The following BCKDK variants were observed in gnomAD, a reference collection of about 807,000 sequenced individuals.
The protein encoded by BCKDK is branched-chain alpha-ketoacid dehydrogenase kinase.
Under a neutral mutation model 43.9 loss-of-function variants are expected in BCKDK, and 28 were observed. The ratio of observed to expected loss-of-function variants is 0.64; its 90% CI spans 0.47 to 0.87. BCKDK has a LOEUF of 0.87. Ranked by LOEUF, BCKDK falls within the 40% of genes least tolerant of loss-of-function variation. The probability of loss-of-function intolerance (pLI) is 0.00; values close to 1 mark genes in which losing one functional copy is unlikely to be tolerated. For missense variants in BCKDK, 483 were observed against 581.4 expected (o/e 0.83, Z 1.74); for synonymous variants, 257 against 234.3 (o/e 1.10, Z -0.88).
At chr16:31,114,148 G>A (rs1222632835), downstream of BCKDK, among the ~76,000 whole-genome samples, 1 of 152,106 alleles carries the variant, frequency 6.6e-6, no homozygotes, top group East Asian at 1.9e-4. Flanking sequence ...GAAACAGCAA[G>A]AACTCCCAGA....
In BCKDK at chr16:31,109,869, C is replaced by T. The variant is rs2057396110; in HGVS notation, c.375+86C>T. 3 of 1,474,392 alleles carry T rather than the reference C, an allele frequency of 2.0e-6. No homozygotes were observed. In the East Asian group the frequency reaches 6.9e-5, roughly 34 times the overall value. 91.3% of individuals were successfully genotyped at this position (1,474,392 alleles called of 1,614,324 possible). A position where few individuals can be genotyped will look rare whatever the true frequency, so the allele number is the denominator to read the frequency against. On this transcript the variant is annotated intron_variant, in intron 4 of 11. Coordinates refer to ENST00000219794, the MANE Select transcript of BCKDK (RefSeq NM_005881.4). This position sits in a 1 kb window ranked among gnomAD's most constrained non-coding sequence, Gnocchi z 5.3. ...TGGGGCCCAGAGTGGCAGACGATTG[C>T]TTGCCTAAAGGTGTCAGGGCCACAC...
intron 8 of BCKDK, 75 bp from the exon 9 acceptor site, chr16:31,111,016 A>AGG: frequency 1.3e-6 from 2 of 1,589,068 alleles, no homozygotes; most frequent in South Asian, 2.3e-5. Flanking sequence ...TATGTTACTT[A>AGG]GGGGGGCAGA....
At chr16:31,113,507 T>C (rs2057429082), downstream of BCKDK, among the ~76,000 whole-genome samples, 1 of 152,082 alleles carries the variant, frequency 6.6e-6, no homozygotes, top group African/African-American at 2.4e-5. Context: ...AGAAATGGGG[T>C]CTTGCTCTGT....
In BCKDK at chr16:31,111,880, G is replaced by C. The variant is rs886306366; in HGVS notation, c.947G>C (p.Arg316Pro). Residue 316 changes from arginine (R) to proline (P), a missense_variant, in exon 11 of 12, where the codon CGT (arginine) becomes CCT (proline). By Grantham distance (103) the Arg-to-Pro change is moderately radical (BLOSUM62 -2). Transcript: ENST00000219794. ...DVDLIIRISD[R>P]GGGIAHKDLD... ...TGCCATCTTGCTAGGATCTCAGACC[G>C]TGGTGGAGGAATCGCTCACAAAGAT... The C allele has an allele frequency of 1.2e-6, 2 of 1,614,020 alleles. No individual in the cohort carries two copies. Among genetic ancestry groups the C allele is most frequent in the East Asian group, 2.2e-5 (1 of 44,890 alleles).
In BCKDK at chr16:31,109,408, C is replaced by T. The variant is rs1438176855; in HGVS notation, c.185C>T (p.Ala62Val). The change falls in exon 2 of 12, where the codon GCA becomes GTA. Residue 62 changes from alanine (A) to valine (V), a missense_variant. Transcript: ENST00000219794. The surrounding 1 kb of genome is among the most constrained non-coding windows in gnomAD (Gnocchi z 5.3). ...TACAACCAGTCGGCCATCGACGCGG[C>T]AGCGGAGAAGGTGCGCAAGGGGGCA... ...SFYNQSAIDA[A>V]AEKPSVRLTP... 7 of 1,608,752 alleles carry T rather than the reference C, an allele frequency of 4.4e-6. No homozygotes were observed. Among genetic ancestry groups the T allele is most frequent in the Non-Finnish European group, 5.9e-6 (7 of 1,176,558 alleles).
chr16:31,109,418 G>C lies in BCKDK; in HGVS notation c.195G>C (p.Lys65Asn), dbSNP rs373170334. The change falls in exon 2 of 12, where the codon AAG (lysine) becomes AAC (asparagine). Residue 65 changes from lysine (K) to asparagine (N), a missense_variant and splice_region_variant. Transcript: ENST00000219794. This position sits in a 1 kb window ranked among gnomAD's most constrained non-coding sequence, Gnocchi z 5.3. ...NQSAIDAAAE[K>N]PSVRLTPTMM... is the part of the protein sequence containing the mutation. ...CGGCCATCGACGCGGCAGCGGAGAA[G>C]GTGCGCAAGGGGGCAGCCAGCCCAG... is the stretch of plus-strand genomic sequence containing the variant. The C allele has an allele frequency of 6.2e-7, 1 of 1,610,086 alleles. No homozygotes were observed. The highest frequency in any genetic ancestry group is 1.3e-5 in the African/African-American group (1 of 74,870).
rs374677650 is a variant in BCKDK, at chr16:31,111,859, A to G, written c.936-10A>G. 138 of 1,613,884 alleles carry G rather than the reference A, an allele frequency of 8.6e-5. No individual in the cohort carries two copies. The highest frequency in any genetic ancestry group is 1.1e-4 in the Non-Finnish European group (126 of 1,179,950). On this transcript the variant is annotated splice_polypyrimidine_tract_variant and intron_variant, in intron 10 of 11. Transcript: ENST00000219794. The stretch of plus-strand genomic sequence containing the variant: ...CTGAGCCAAGCCCATTGTTGTTGCC[A>G]TCTTGCTAGGATCTCAGACCGTGGT...
chr16:31,109,196 G>A lies in BCKDK; in HGVS notation c.-28G>A, dbSNP rs1461342447. 6 of 1,488,264 alleles carry A rather than the reference G, an allele frequency of 4.0e-6. No homozygotes were observed. The highest frequency in any genetic ancestry group is 2.4e-5 in the Admixed American group (1 of 41,600). The allele number at this position is 1,488,264 out of a possible 1,614,324, so 92.2% of individuals were successfully genotyped here. ...GTCCTAGCGGATCCTCAGTCCTAGC[G>A]GCCACCGGGTCTGAAAGGAGCAAGA... On this transcript the variant is annotated 5_prime_UTR_variant, in exon 2 of 12. Coordinates refer to ENST00000219794, the MANE Select transcript of BCKDK (RefSeq NM_005881.4). This position sits in a 1 kb window ranked among gnomAD's most constrained non-coding sequence, Gnocchi z 5.3.
At chr16:31,117,460 T>C (rs970229632), downstream of BCKDK, 2 of 399,742 alleles carry the variant, frequency 5.0e-6, no homozygotes, top group Non-Finnish European at 8.8e-6. Context: ...TCCTCACCCA[T>C]AGGCTGCAGC....
chr16:31,110,652 G>A lies in BCKDK; in HGVS notation c.643-36G>A, dbSNP rs754059958. 6.2e-7 allele frequency: 1 copy of A among 1,609,356 alleles called. No homozygotes were observed. The highest frequency in any genetic ancestry group is 1.3e-5 in the African/African-American group (1 of 74,924). On this transcript the variant is annotated intron_variant, in intron 7 of 11. Coordinates refer to ENST00000219794, the MANE Select transcript of BCKDK (RefSeq NM_005881.4). The surrounding 1 kb of genome is among the most constrained non-coding windows in gnomAD (Gnocchi z 5.4). ...TGCCAGCATCTTGGGGTGGGGCTAG[G>A]GGCGTGGGTAGTCCTGACCTCCTTT... is the stretch of plus-strand genomic sequence containing the variant.
In BCKDK at chr16:31,110,535, TTAAG is replaced by T. The variant is rs776418633; in HGVS notation, c.642+38_642+41del. ...GGGACCTGAGACCCACCTGGGAACA[TTAAG>T]TGAGACAGAGGAGACTGGGCTGGGG... On this transcript the variant is annotated intron_variant, in intron 7 of 11. Coordinates refer to ENST00000219794, the MANE Select transcript of BCKDK (RefSeq NM_005881.4). The surrounding 1 kb of genome is among the most constrained non-coding windows in gnomAD (Gnocchi z 5.4). 4 of 1,608,390 alleles carry T rather than the reference TTAAG, an allele frequency of 2.5e-6. No individual in the cohort carries two copies. Among genetic ancestry groups the T allele is most frequent in the Middle Eastern group, 1.7e-4 (1 of 5,980 alleles).
chr16:31,114,294 C>CA (rs568763574), downstream of BCKDK, among the ~76,000 whole-genome samples: 511 of 144,748 alleles, frequency 3.5e-3, 7 homozygotes, highest in Middle Eastern at 6.9e-3. Context: ...CGCCCCACCC[C>CA]CCCCCAACCC....
chr16:31,115,498 C>T (rs144780404), downstream of BCKDK, among the ~76,000 whole-genome samples: 2 of 152,232 alleles, frequency 1.3e-5, no homozygotes, highest in African/African-American at 4.8e-5. Flanking sequence ...GGTGGGATTA[C>T]AGGAGTGAGC....
chr16:31,111,928 AC>A lies in BCKDK; in HGVS notation c.996del (p.Phe333SerfsTer171). On this transcript the variant is annotated frameshift_variant, in exon 11 of 12. Transcript: ENST00000219794. LOFTEE classifies it high-confidence loss of function. Reference sequence around the variant, plus strand: ...GATCTGGACCGGGTCATGGACTACCACTTCACTACTGCTGAGGCCAGCACAC... The same window carrying A: ...GATCTGGACCGGGTCATGGACTACCATTCACTACTGCTGAGGCCAGCACAC... ...HKDLDRVMDYHFTTAEASTQD... is the reference protein window; with the variant it reads ...HKDLDRVMDYXFTTAEASTQD... The A allele has an allele frequency of 6.2e-7, 1 of 1,614,042 alleles. No individual in the cohort carries two copies. The highest frequency in any genetic ancestry group is 8.5e-7 in the Non-Finnish European group (1 of 1,179,974).
chr16:31,111,297 T>G lies in BCKDK; in HGVS notation c.846-3T>G, dbSNP rs118042732. On this transcript the variant is annotated splice_region_variant and splice_polypyrimidine_tract_variant and intron_variant, in intron 9 of 11. Transcript: ENST00000219794. Reference sequence around the variant, plus strand: ...TACCTACTGGTCTTTCCCCTCTGCATAGAGCCACAATGGAGAGTCACCTAG... The same window carrying G: ...TACCTACTGGTCTTTCCCCTCTGCAGAGAGCCACAATGGAGAGTCACCTAG... The G allele has an allele frequency of 2.5e-6, 4 of 1,614,014 alleles. No individual in the cohort carries two copies. Among genetic ancestry groups the G allele is most frequent in the Non-Finnish European group, 3.4e-6 (4 of 1,180,006 alleles).
chr16:31,115,438 G>A (rs1187095730), downstream of BCKDK, among the ~76,000 whole-genome samples: 17 of 151,418 alleles, frequency 1.1e-4, no homozygotes, highest in African/African-American at 3.9e-4. Context: ...GGTCAGGCTG[G>A]TCTCGAACTC....
Position 31,112,762 on chromosome 16 carries a change from A to C in BCKDK, c.*497A>C. On this transcript the variant is annotated 3_prime_UTR_variant, in exon 12 of 12. Coordinates refer to ENST00000219794, the MANE Select transcript of BCKDK (RefSeq NM_005881.4). This position sits in a 1 kb window ranked among gnomAD's most constrained non-coding sequence, Gnocchi z 5.0. ...GGGAGTGGGATGACTGCAGCACCTT[A>C]TACAAAGAGCTTTCATTCATCTTGT... The C allele has an allele frequency of 4.2e-6, 1 of 239,450 alleles. No individual in the cohort carries two copies. The allele number at this position is 239,450 out of a possible 1,614,324, so 14.8% of individuals were successfully genotyped here. A position where few individuals can be genotyped will look rare whatever the true frequency, so the allele number is the denominator to read the frequency against.
chr16:31,109,250 C>CGGTCCCG lies in BCKDK; in HGVS notation c.30_36dup (p.Gly13SerfsTer117). On this transcript the variant is annotated frameshift_variant, in exon 2 of 12. Coordinates refer to ENST00000219794, the MANE Select transcript of BCKDK (RefSeq NM_005881.4). LOFTEE classifies it high-confidence loss of function. The surrounding 1 kb of genome is among the most constrained non-coding windows in gnomAD (Gnocchi z 5.3). ...TGATCCTGGCGTCGGTGCTGAGGAG[C>CGGTCCCG]GGTCCCGGGGGCGGGCTTCCGCTCC... The CGGTCCCG allele has an allele frequency of 6.5e-7, 1 of 1,535,582 alleles. No homozygotes were observed. The highest frequency in any genetic ancestry group is 2.1e-5 in the Admixed American group (1 of 48,212).
intron 10 of BCKDK, 61 bp from the exon 11 acceptor site, chr16:31,111,808 G>T: frequency 2.5e-6 from 4 of 1,591,978 alleles, no homozygotes; most frequent in South Asian, 1.1e-5. Flanking sequence ...CTGTCTGCTT[G>T]GGGGGTGGTG....
Sources: gnomAD v4.1 joint callset for allele counts (sites outside exome capture counted in the v4.1 genomes callset) on GRCh38, gnomAD v4.1.1 for gene constraint, Gnocchi (gnomAD v3.1) non-coding constraint, MANE v1.5 for transcripts, NCBI Gene and HGNC (gene_info 2026-07-23, HGNC 2026-07-21) for gene names.